The following PTK2 variants were observed in gnomAD, a reference collection of about 807,000 sequenced individuals.
PTK2 encodes the protein protein tyrosine kinase 2, also known as focal adhesion kinase 1.
Under a neutral mutation model 150.1 loss-of-function variants are expected in PTK2, and 45 were observed. The ratio of observed to expected loss-of-function variants is 0.30; its 90% confidence interval spans 0.24 to 0.38. The LOEUF is 0.38. Ranked by LOEUF, PTK2 falls within the 10% of genes least tolerant of loss-of-function variation. The pLI, the probability that PTK2 is intolerant of heterozygous loss-of-function variation, is 1.00. For missense variants in PTK2, 919 were observed against 1,307.3 expected, an observed-to-expected ratio of 0.70 and a Z score of 4.58; for synonymous variants, 432 against 449.2, an observed-to-expected ratio of 0.96 and a Z score of 0.48.
chr8:140,934,216 C>G (rs1414102902), intron 1 of PTK2, among the ~76,000 whole-genome samples: 2 of 152,096 alleles, frequency 1.3e-5, no homozygotes, highest in African/African-American at 2.4e-5. Flanking sequence ...TGGCTTTCCC[C>G]TCAAAACCTA....
chr8:140,874,706 T>C (rs2100144551), intron 4 of PTK2, among the ~76,000 whole-genome samples: 2 of 152,118 alleles, frequency 1.3e-5, no homozygotes, highest in Non-Finnish European at 2.9e-5. Flanking sequence ...ATAATAGAAA[T>C]TAATTTTGAT....
At chr8:140,726,651 C>T (rs2100046017) in intron 22 of PTK2, among the ~76,000 whole-genome samples, 1 of 152,048 alleles carries the variant, frequency 6.6e-6, no homozygotes, top group African/African-American at 2.4e-5. Context: ...ACCCAAAATT[C>T]CTATCAACAA....
chr8:140,982,305 G>A (rs974312434), intron 1 of PTK2, among the ~76,000 whole-genome samples: 1 of 152,218 alleles, frequency 6.6e-6, no homozygotes, highest in Non-Finnish European at 1.5e-5. Context: ...GCATCATTAA[G>A]ATAGATACGG....
chr8:140,944,107 C>T (rs1297446085), intron 1 of PTK2, among the ~76,000 whole-genome samples: 1 of 152,186 alleles, frequency 6.6e-6, no homozygotes. Flanking sequence ...AAACACTCAT[C>T]CCCGTCTCTT....
At chr8:140,907,703 T>G (rs2100161531) in intron 2 of PTK2, among the ~76,000 whole-genome samples, 1 of 152,194 alleles carries the variant, frequency 6.6e-6, no homozygotes, top group Non-Finnish European at 1.5e-5. Flanking sequence ...TCCAACTTTT[T>G]CATTATTATT....
chr8:140,974,401 T>C (rs1009970888), intron 1 of PTK2, among the ~76,000 whole-genome samples: 2 of 152,216 alleles, frequency 1.3e-5, no homozygotes, highest in Non-Finnish European at 2.9e-5. Context: ...AAACTTTAGC[T>C]TTCTCTAATG....
At chr8:140,661,839 TGGA>T (rs1168192220) in intron 31 of PTK2, among the ~76,000 whole-genome samples, 1 of 152,184 alleles carries the variant, frequency 6.6e-6, no homozygotes, top group Non-Finnish European at 1.5e-5. Context: ...TCCAAACAGC[TGGA>T]GCACTGGAAT....
At chr8:140,765,289 C>A (rs1190491908) in intron 14 of PTK2, 2 of 152,146 alleles carry the variant, frequency 1.3e-5, no homozygotes, top group Non-Finnish European at 2.9e-5. Context: ...GCTACAAGTT[C>A]TTTCTTCTGT....
intron 5 of PTK2, among the ~76,000 whole-genome samples, chr8:140,852,166 C>A (rs1191806944): frequency 1.3e-5 from 2 of 152,184 alleles, no homozygotes; most frequent in Admixed American, 1.3e-4. Context: ...AAAACCCATG[C>A]CCTACTGTGT....
At chr8:140,854,374 G>A (rs1461196238) in intron 5 of PTK2, among the ~76,000 whole-genome samples, 1 of 152,120 alleles carries the variant, frequency 6.6e-6, no homozygotes, top group Non-Finnish European at 1.5e-5. Context: ...ATGGACACTG[G>A]CCTTCAAACT....
chr8:140,826,153 T>C (rs887857434), intron 8 of PTK2, among the ~76,000 whole-genome samples: 1 of 152,236 alleles, frequency 6.6e-6, no homozygotes, highest in Non-Finnish European at 1.5e-5. Context: ...AGCCTGTTTA[T>C]GGAAAAGCCA....
At chr8:140,919,036 C>CA (rs1369660747) in intron 2 of PTK2, among the ~76,000 whole-genome samples, 1 of 152,178 alleles carries the variant, frequency 6.6e-6, no homozygotes, top group Non-Finnish European at 1.5e-5. Context: ...AAGATAGTTA[C>CA]ACACTGGGCA....
At chr8:140,705,529 C>A (rs1564753824) in intron 24 of PTK2, among the ~76,000 whole-genome samples, 1 of 152,132 alleles carries the variant, frequency 6.6e-6, no homozygotes, top group Admixed American at 6.6e-5. Context: ...CGCTCTATAT[C>A]CTGAAGTGAG....
intron 14 of PTK2, among the ~76,000 whole-genome samples, chr8:140,785,775 G>A (rs2100084613): frequency 1.3e-5 from 2 of 152,164 alleles, no homozygotes; most frequent in African/African-American, 4.8e-5. Context: ...CACTGAATAA[G>A]TTTGTTTACC....
intron 1 of PTK2, among the ~76,000 whole-genome samples, chr8:140,973,552 G>T (rs1264868359): frequency 6.7e-6 from 1 of 150,116 alleles, no homozygotes; most frequent in Non-Finnish European, 1.5e-5. Context: ...TGGTCAAAAA[G>T]GCAAACTCAT....
chr8:140,757,036 A>C (rs1594161739), intron 16 of PTK2, among the ~76,000 whole-genome samples: 1 of 152,188 alleles, frequency 6.6e-6, no homozygotes, highest in African/African-American at 2.4e-5. Flanking sequence ...CTATTTTAAA[A>C]AATTATCTTG....
chr8:140,815,108 C>T (rs766782985), intron 10 of PTK2, among the ~76,000 whole-genome samples: 1 of 151,864 alleles, frequency 6.6e-6, no homozygotes, highest in Non-Finnish European at 1.5e-5. Context: ...TATACATGTA[C>T]GTCTAATGCA....
chr8:140,779,265 A>G (rs1285334587), intron 14 of PTK2, among the ~76,000 whole-genome samples: 1 of 151,496 alleles, frequency 6.6e-6, no homozygotes, highest in Non-Finnish European at 1.5e-5. Context: ...AAAAAGAAAA[A>G]AAAAAAAAGA....
At chr8:140,949,069 A>G (rs1028136936) in intron 1 of PTK2, among the ~76,000 whole-genome samples, 2 of 151,892 alleles carry the variant, frequency 1.3e-5, no homozygotes, top group African/African-American at 4.8e-5. Context: ...ACATGAAGAC[A>G]ATGAGAATGA....
Sources: gnomAD v4.1 joint callset for allele counts (sites outside exome capture counted in the v4.1 genomes callset) on GRCh38, gnomAD v4.1.1 for gene constraint, MANE v1.5 for transcripts, NCBI Gene and HGNC (gene_info 2026-07-23, HGNC 2026-07-21) for gene names.